The following HS3ST5 variants were observed in gnomAD, a reference collection of about 807,000 sequenced individuals.
HS3ST5 encodes heparan sulfate-glucosamine 3-sulfotransferase 5.
Under a neutral mutation model 25.4 loss-of-function variants are expected in HS3ST5, and 10 were observed. The observed-to-expected ratio is 0.39, with a 90% CI of 0.24 to 0.67. The LOEUF (loss-of-function observed/expected upper bound fraction) is 0.67, where lower values mean the gene tolerates loss of function less well. HS3ST5 is among the 30% of genes least tolerant of loss of function. HS3ST5 has a pLI of 0.44. For synonymous variants in HS3ST5, 170 were observed against 162.4 expected (o/e 1.05, Z -0.36); for missense variants, 324 against 420.7 (o/e 0.77, Z 2.01).
intron 1 of HS3ST5, among the ~76,000 whole-genome samples, chr6:114,318,695 A>G (rs1417839950): frequency 2.0e-5 from 3 of 152,170 alleles, no homozygotes; most frequent in African/African-American, 7.2e-5. Context: ...GTGTCAGCAG[A>G]CTTGGGTTCA....
intron 2 of HS3ST5, among the ~76,000 whole-genome samples, chr6:114,194,642 G>A (rs1453117699): frequency 6.6e-6 from 1 of 152,284 alleles, no homozygotes; most frequent in East Asian, 1.9e-4. Context: ...CACAGTGAGG[G>A]TTTTCGTGTC....
intron 1 of HS3ST5, among the ~76,000 whole-genome samples, chr6:114,256,215 C>T (rs562701912): frequency 7.2e-5 from 11 of 152,084 alleles, no homozygotes; most frequent in African/African-American, 1.9e-4. Context: ...AGTGAAACCT[C>T]GTCTCTACTA....
chr6:114,245,952 A>G (rs1160173593), intron 1 of HS3ST5, among the ~76,000 whole-genome samples: 2 of 152,212 alleles, frequency 1.3e-5, no homozygotes, highest in African/African-American at 2.4e-5. Flanking sequence ...GAAAGGGTTC[A>G]GGCAAGATGT....
intron 1 of HS3ST5, among the ~76,000 whole-genome samples, chr6:114,279,525 C>A (rs1013877196): frequency 6.6e-6 from 1 of 152,010 alleles, no homozygotes; most frequent in Non-Finnish European, 1.5e-5. Context: ...GTTGCAATTG[C>A]AGTGAGATCT....
At chr6:114,217,511 G>A (rs547523360) in intron 2 of HS3ST5, among the ~76,000 whole-genome samples, 5 of 152,180 alleles carry the variant, frequency 3.3e-5, no homozygotes, top group Admixed American at 6.5e-5. Context: ...AGCAGCAATC[G>A]GAGTTCAAAG....
intron 1 of HS3ST5, among the ~76,000 whole-genome samples, chr6:114,253,931 C>G (rs1385388878): frequency 2.6e-5 from 4 of 151,880 alleles, no homozygotes; most frequent in Non-Finnish European, 5.9e-5. Flanking sequence ...TCCAAAATTG[C>G]CTTAGAGCAA....
intron 1 of HS3ST5, among the ~76,000 whole-genome samples, chr6:114,288,053 C>T (rs1253673396): frequency 6.6e-6 from 1 of 152,020 alleles, no homozygotes; most frequent in Non-Finnish European, 1.5e-5. Context: ...AGTTTTATTC[C>T]TGTGTAGCTT....
intron 3 of HS3ST5, among the ~76,000 whole-genome samples, chr6:114,128,402 C>T (rs1490416816): frequency 3.3e-5 from 5 of 152,210 alleles, no homozygotes; most frequent in Admixed American, 6.5e-5. Context: ...TTTAGAACTT[C>T]GGTCATTATT....
At chr6:114,239,373 G>A (rs1391057608) in intron 1 of HS3ST5, among the ~76,000 whole-genome samples, 1 of 152,184 alleles carries the variant, frequency 6.6e-6, no homozygotes, top group Non-Finnish European at 1.5e-5. Flanking sequence ...CATCCACCAG[G>A]AGGGAGAGAT....
chr6:114,084,190 C>G (rs1774637080), intron 3 of HS3ST5: 2 of 1,039,008 alleles, frequency 1.9e-6, no homozygotes, highest in African/African-American at 1.6e-5. Flanking sequence ...AGTGGTTGCT[C>G]CTATCCATTC....
In HS3ST5 at chr6:114,057,412, G is replaced by A. The variant is rs1207827920; in HGVS notation, c.886C>T (p.Arg296Trp). The A allele has an allele frequency of 1.5e-5, 25 of 1,613,964 alleles. No homozygotes were observed. Among genetic ancestry groups the A allele is most frequent in the South Asian group, 3.3e-5 (3 of 91,072 alleles). The change falls in exon 5 of 5, where the codon CGG (arginine) becomes TGG (tryptophan). Residue 296 changes from arginine to tryptophan, a missense_variant. By Grantham distance (101) the Arg-to-Trp change is moderately radical. Coordinates refer to ENST00000312719, the MANE Select transcript of HS3ST5 (RefSeq NM_153612.4). ...CACTTATTAAAGATAATATTAAACCGCAAGCAGTAAAACCCTCTGGTAGCA... is the reference window on the plus strand; with the variant it reads ...CACTTATTAAAGATAATATTAAACCACAAGCAGTAAAACCCTCTGGTAGCA... ...FNATRGFYCL[R>W]FNIIFNKCLA... is the part of the protein sequence containing the mutation.
chr6:114,337,095 T>C (rs1562280009), intron 1 of HS3ST5, among the ~76,000 whole-genome samples: 2 of 152,346 alleles, frequency 1.3e-5, no homozygotes, highest in East Asian at 3.9e-4. Context: ...CCTTCTCCTT[T>C]CTATCTCAGG....
At chr6:114,213,576 C>A (rs1161625279) in intron 2 of HS3ST5, among the ~76,000 whole-genome samples, 1 of 152,124 alleles carries the variant, frequency 6.6e-6, no homozygotes, top group African/African-American at 2.4e-5. Context: ...GCATTCTCTG[C>A]AGCTTCCTCC....
intron 1 of HS3ST5, among the ~76,000 whole-genome samples, chr6:114,320,871 A>G (rs1236943790): frequency 6.6e-6 from 1 of 151,016 alleles, no homozygotes; most frequent in Non-Finnish European, 1.5e-5. Context: ...CTCAGCACCT[A>G]TAATGGCAGT....
intron 1 of HS3ST5, among the ~76,000 whole-genome samples, chr6:114,281,635 A>T (rs1006395213): frequency 3.9e-5 from 6 of 151,944 alleles, no homozygotes; most frequent in African/African-American, 1.4e-4. Flanking sequence ...TGCTGTCAAG[A>T]AGAAAAAGAG....
At chr6:114,084,561 G>A in intron 3 of HS3ST5, 1 of 762,418 alleles carries the variant, frequency 1.3e-6, no homozygotes, top group South Asian at 1.3e-5. Context: ...GAGCTCCCTC[G>A]TTGTTGCACG....
intron 1 of HS3ST5, among the ~76,000 whole-genome samples, chr6:114,257,240 G>T (rs773671388): frequency 6.6e-6 from 1 of 152,206 alleles, no homozygotes; most frequent in African/African-American, 2.4e-5. Context: ...GCTAAGGAAA[G>T]AGGGGATGCA....
At chr6:114,223,109 T>G (rs1240355742) in intron 2 of HS3ST5, among the ~76,000 whole-genome samples, 8 of 151,688 alleles carry the variant, frequency 5.3e-5, no homozygotes, top group Non-Finnish European at 1.2e-4. Context: ...TGCTGAGGTA[T>G]ATATAATAAA....
intron 1 of HS3ST5, among the ~76,000 whole-genome samples, chr6:114,340,945 A>G (rs1011349908): frequency 6.6e-5 from 10 of 152,156 alleles, no homozygotes; most frequent in African/African-American, 2.4e-4. Context: ...GCACAGAAAG[A>G]AGGCCCACCC....
Sources: gnomAD v4.1 joint callset for allele counts (sites outside exome capture counted in the v4.1 genomes callset) on GRCh38, gnomAD v4.1.1 for gene constraint, MANE v1.5 for transcripts, NCBI Gene and HGNC (gene_info 2026-07-23, HGNC 2026-07-21) for gene names.